The following RORB variants were observed in gnomAD, a reference collection of about 807,000 sequenced individuals.
RORB encodes RAR related orphan receptor B, also known as nuclear receptor ROR-beta.
RORB carries 6 observed loss-of-function variants against 59.1 expected under a neutral mutation model. That is an observed-to-expected ratio of 0.10 (90% CI 0.06 to 0.20). RORB has a LOEUF of 0.20. RORB is among the 10% of genes least tolerant of loss of function. RORB has a pLI of 1.00. For synonymous variants in RORB, 215 were observed against 204.5 expected (o/e 1.05, Z -0.44); for missense variants, 320 against 560.5 (o/e 0.57, Z 4.33).
chr9:74,497,818 C>T lies in RORB; in HGVS notation c.-159C>T. 1 of 761,316 alleles carries T rather than the reference C, an allele frequency of 1.3e-6. No homozygotes were observed. The highest frequency in any genetic ancestry group is 1.7e-5 in the South Asian group (1 of 57,292). The allele number at this position is 761,316 out of a possible 1,614,324, so 47.2% of individuals were successfully genotyped here. On this transcript the variant is annotated 5_prime_UTR_variant, in exon 1 of 10. Coordinates refer to ENST00000376896, the MANE Select transcript of RORB (RefSeq NM_006914.4). ...ATAGCGGCGGCGGCGGCAAACGTCA[C>T]CCTGCAGCCACGGCGTCCGCCTAAA... is the stretch of plus-strand genomic sequence containing the variant.
At chr9:74,634,819 T>A in intron 3 of RORB, 47 bp downstream of exon 3, 1 of 1,553,514 alleles carries the variant, frequency 6.4e-7, no homozygotes, top group Non-Finnish European at 8.7e-7. Flanking sequence ...TTCAAATGGA[T>A]GCTTTGCTGG....
rs891285626 is a variant in RORB, at chr9:74,650,426, G to A, written c.637+7611G>A. Reference sequence around the variant, plus strand: ...AGAAGCGCCAATTGATCACAAGGTTGATGGGGATTAGCATACTTTGGTGTG... The same window carrying A: ...AGAAGCGCCAATTGATCACAAGGTTAATGGGGATTAGCATACTTTGGTGTG... On this transcript the variant is annotated intron_variant, in intron 4 of 9. Coordinates refer to ENST00000376896, the MANE Select transcript of RORB (RefSeq NM_006914.4). Among the ~76,000 whole-genome samples the A allele has an allele frequency of 3.3e-5, 5 of 152,182 alleles. No individual in the cohort carries two copies. The East Asian group carries it at 5.8e-4, about 18-fold the overall frequency.
chr9:74,565,703 T>C (rs1190202553), intron 1 of RORB, among the ~76,000 whole-genome samples: 1 of 152,162 alleles, frequency 6.6e-6, no homozygotes, highest in Non-Finnish European at 1.5e-5. Flanking sequence ...AGCATCTTCT[T>C]TTTCATACAT....
chr9:74,509,575 T>C (rs1825908384), intron 1 of RORB, among the ~76,000 whole-genome samples: 1 of 152,094 alleles, frequency 6.6e-6, no homozygotes, highest in Non-Finnish European at 1.5e-5. Flanking sequence ...TGTCAATTCT[T>C]TCCTCTAGTT....
intron 1 of RORB, among the ~76,000 whole-genome samples, chr9:74,541,849 C>T (rs1282103605): frequency 6.6e-6 from 1 of 152,088 alleles, no homozygotes; most frequent in Admixed American, 6.6e-5. Context: ...GGACCTTCTC[C>T]TAATGGAGAT....
At chr9:74,666,620 G>A (rs7033059) in intron 7 of RORB, among the ~76,000 whole-genome samples, 66,875 of 151,608 alleles carry the variant, frequency 0.44, 16,050 homozygotes, top group East Asian at 0.68. Context: ...GTGACCTCTT[G>A]CGTTTCTTAT....
rs1482895035 is a variant in RORB, at chr9:74,583,506, TAATTTGGTTACAA to T, written c.8-46774_8-46762del. Reference sequence around the variant, plus strand: ...CAAATTAGGTTACTAATTTGTAACCTAATTTGGTTACAAATTAGGTAACCCAAATTAGGTTACT... The same window carrying T: ...CAAATTAGGTTACTAATTTGTAACCTATTAGGTAACCCAAATTAGGTTACT... On this transcript the variant is annotated intron_variant, in intron 1 of 9. Coordinates refer to ENST00000376896, the MANE Select transcript of RORB (RefSeq NM_006914.4). 2.0e-5 allele frequency among the ~76,000 whole-genome samples: 3 copies of T among 152,172 alleles called. No homozygotes were observed. In the East Asian group the frequency reaches 5.9e-4, roughly 30 times the overall value.
At chr9:74,534,451 C>T (rs919781390) in intron 1 of RORB, among the ~76,000 whole-genome samples, 1 of 152,020 alleles carries the variant, frequency 6.6e-6, no homozygotes, top group Non-Finnish European at 1.5e-5. Flanking sequence ...TCTTTAGCAT[C>T]ATTAATGAGT....
At chr9:74,521,742 G>A (rs577848630) in intron 1 of RORB, among the ~76,000 whole-genome samples, 29 of 151,702 alleles carry the variant, frequency 1.9e-4, no homozygotes, top group African/African-American at 5.5e-4. Context: ...ATTTTTCATC[G>A]TTTTATCCCT....
intron 1 of RORB, among the ~76,000 whole-genome samples, chr9:74,578,349 A>G (rs973465902): frequency 1.3e-5 from 2 of 152,148 alleles, no homozygotes; most frequent in Non-Finnish European, 2.9e-5. Flanking sequence ...TATTGAGAGC[A>G]TTATGAAGAT....
intron 1 of RORB, among the ~76,000 whole-genome samples, chr9:74,616,031 C>A (rs1486413762): frequency 6.6e-6 from 1 of 151,982 alleles, no homozygotes; most frequent in Non-Finnish European, 1.5e-5. Context: ...TAAAAAAAAT[C>A]TATTTGATTT....
intron 1 of RORB, among the ~76,000 whole-genome samples, chr9:74,588,510 A>T (rs2118278905): frequency 6.6e-6 from 1 of 152,328 alleles, no homozygotes. Flanking sequence ...TATTGATGGA[A>T]ATAAGTCTAC....
At chr9:74,528,256 C>G (rs796253308) in intron 1 of RORB, among the ~76,000 whole-genome samples, 7 of 152,072 alleles carry the variant, frequency 4.6e-5, no homozygotes, top group African/African-American at 1.7e-4. Context: ...TGTTGAAACA[C>G]TTTTAAAGTG....
At position 74,574,249 on chromosome 9, in the gene RORB, A is replaced by G. The variant is rs578215932; in HGVS notation, c.8-56033A>G. On this transcript the variant is annotated intron_variant, in intron 1 of 9. Coordinates refer to ENST00000376896, the MANE Select transcript of RORB (RefSeq NM_006914.4). ...TAGCAAACAGATCCAGCCCTGAGTC[A>G]GTTTCAGGGGTCCTCCGTAAATACA... Among the ~76,000 whole-genome samples the G allele has an allele frequency of 1.4e-3, 211 of 152,252 alleles. 2 individuals carry two copies. The highest frequency in any genetic ancestry group is 4.7e-3 in the African/African-American group (197 of 41,548).
intron 1 of RORB, among the ~76,000 whole-genome samples, chr9:74,550,797 C>A (rs1826595479): frequency 6.6e-6 from 1 of 152,178 alleles, no homozygotes; most frequent in African/African-American, 2.4e-5. Flanking sequence ...GCATTTAGAG[C>A]TGCATTGTCC....
chr9:74,633,701 T>C (rs1823655861), intron 2 of RORB, among the ~76,000 whole-genome samples: 1 of 152,108 alleles, frequency 6.6e-6, no homozygotes, highest in Non-Finnish European at 1.5e-5. Context: ...TCAACTCAGC[T>C]GTGGATTTAT....
chr9:74,541,649 G>A (rs1230282242), intron 1 of RORB, among the ~76,000 whole-genome samples: 1 of 152,186 alleles, frequency 6.6e-6, no homozygotes, highest in African/African-American at 2.4e-5. Flanking sequence ...TAAACTGTGA[G>A]AGATTTGCAA....
At chr9:74,602,970 C>T (rs906054014) in intron 1 of RORB, among the ~76,000 whole-genome samples, 7 of 152,020 alleles carry the variant, frequency 4.6e-5, no homozygotes, top group African/African-American at 1.5e-4. Flanking sequence ...CTAATGTAAA[C>T]GAGTATAAGC....
intron 4 of RORB, among the ~76,000 whole-genome samples, chr9:74,660,113 A>T (rs1824156470): frequency 6.6e-6 from 1 of 152,142 alleles, no homozygotes; most frequent in South Asian, 2.1e-4. Flanking sequence ...TTGTCTCTGC[A>T]TTCTGTTCCC....
Sources: gnomAD v4.1 joint callset for allele counts (sites outside exome capture counted in the v4.1 genomes callset) on GRCh38, gnomAD v4.1.1 for gene constraint, MANE v1.5 for transcripts, NCBI Gene and HGNC (gene_info 2026-07-23, HGNC 2026-07-21) for gene names.